Variants in C8orf34 observed in about 807,000 individuals in gnomAD.
C8orf34 encodes chromosome 8 open reading frame 34.
C8orf34 carries 65 observed loss-of-function variants against 68.3 expected under a neutral mutation model. The ratio of observed to expected loss-of-function variants is 0.95; its 90% confidence interval spans 0.78 to 1.17. The LOEUF is 1.17. Ranked by LOEUF, C8orf34 falls within the 50% of genes most tolerant of loss-of-function variation. The pLI is 0.00. For synonymous variants in C8orf34, 244 were observed against 241.2 expected, an observed-to-expected ratio of 1.01 and a Z score of -0.11; for missense variants, 664 against 655.4, an observed-to-expected ratio of 1.01 and a Z score of -0.14.
intron 8 of C8orf34, among the ~76,000 whole-genome samples, chr8:68,642,952 T>A (rs11988090): frequency 3.0e-4 from 45 of 152,194 alleles, no homozygotes; most frequent in African/African-American, 1.0e-3. Flanking sequence ...CCTGTGAGAA[T>A]CTATGGCTGA....
chr8:68,749,826 C>G (rs1011393827), intron 10 of C8orf34, among the ~76,000 whole-genome samples: 2 of 152,130 alleles, frequency 1.3e-5, no homozygotes, highest in Non-Finnish European at 2.9e-5. Flanking sequence ...TTGATGAATA[C>G]TAGTACTCCC....
Position 68,666,466 on chromosome 8 carries a change from G to A in C8orf34, c.1241+25955G>A, listed in dbSNP as rs1053953100. On this transcript the variant is annotated intron_variant, in intron 8 of 13. Transcript: ENST00000518698. ...AAAGGATTTTCAGAGTTATTAAAAA[G>A]GCAGAAATTCTTCCAACCAAGTAAC... Among the ~76,000 whole-genome samples the A allele has an allele frequency of 1.9e-4, 29 of 152,298 alleles. 1 individual carries two copies. Among genetic ancestry groups the A allele is most frequent in the Middle Eastern group, 3.4e-3 (1 of 294 alleles).
intron 7 of C8orf34, among the ~76,000 whole-genome samples, chr8:68,577,362 TATC>T (rs1195870057): frequency 6.6e-6 from 1 of 152,040 alleles, no homozygotes; most frequent in East Asian, 1.9e-4. Context: ...AGAGAGGAAT[TATC>T]ATATAGGTGC....
At chr8:68,439,478 T>C in intron 1 of C8orf34, 21 bp from the exon 2 acceptor site, 1 of 1,606,332 alleles carries the variant, frequency 6.2e-7, no homozygotes, top group Non-Finnish European at 8.5e-7. Flanking sequence ...ATTATAATTG[T>C]GTGCTCTATT....
At chr8:68,600,242 T>G (rs1270987775) in intron 7 of C8orf34, among the ~76,000 whole-genome samples, 1 of 152,142 alleles carries the variant, frequency 6.6e-6, no homozygotes, top group African/African-American at 2.4e-5. Flanking sequence ...GTAGAAATTG[T>G]ACTCTCATTC....
chr8:68,673,358 G>T (rs1820078597), intron 8 of C8orf34, among the ~76,000 whole-genome samples: 1 of 152,170 alleles, frequency 6.6e-6, no homozygotes, highest in South Asian at 2.1e-4. Context: ...CCAGGCGTGT[G>T]CTCTTGGATG....
intron 2 of C8orf34, among the ~76,000 whole-genome samples, chr8:68,443,271 G>T (rs1055335829): frequency 1.3e-5 from 2 of 152,170 alleles, no homozygotes; most frequent in African/African-American, 4.8e-5. Flanking sequence ...TGGCAGGAAG[G>T]AAGAGAAAAG....
At chr8:68,744,490 A>C (rs1822414770) in intron 10 of C8orf34, among the ~76,000 whole-genome samples, 1 of 151,690 alleles carries the variant, frequency 6.6e-6, no homozygotes, top group Admixed American at 6.6e-5. Flanking sequence ...CTTTGAAAAA[A>C]ATTTAGAAGA....
At chr8:68,447,147 G>A (rs1811159274) in intron 3 of C8orf34, 1 of 152,674 alleles carries the variant, frequency 6.5e-6, no homozygotes, top group African/African-American at 2.4e-5. Context: ...TATGGCGAGA[G>A]GAAGGAGAAA....
chr8:68,551,044 C>A (rs1049924314), intron 7 of C8orf34, among the ~76,000 whole-genome samples: 1 of 151,710 alleles, frequency 6.6e-6, no homozygotes, highest in African/African-American at 2.4e-5. Flanking sequence ...TCTGTGGCTT[C>A]GTGTCTGACA....
At chr8:68,382,612 T>G (rs1808089937) in intron 1 of C8orf34, among the ~76,000 whole-genome samples, 1 of 152,196 alleles carries the variant, frequency 6.6e-6, no homozygotes, top group Non-Finnish European at 1.5e-5. Context: ...CACAGTAAGA[T>G]GCTGCCATCC....
chr8:68,680,781 G>T (rs1266426852), intron 8 of C8orf34, among the ~76,000 whole-genome samples: 3 of 152,024 alleles, frequency 2.0e-5, no homozygotes, highest in Non-Finnish European at 4.4e-5. Context: ...CAGAAAACAG[G>T]GTTCGAGAGC....
At chr8:68,639,631 G>A (rs577299007) in intron 7 of C8orf34, among the ~76,000 whole-genome samples, 21 of 152,240 alleles carry the variant, frequency 1.4e-4, no homozygotes, top group African/African-American at 5.1e-4. Flanking sequence ...CTGAGAGCAA[G>A]TAATTGGAAT....
chr8:68,749,250 G>A (rs924358003), intron 10 of C8orf34, among the ~76,000 whole-genome samples: 2 of 151,942 alleles, frequency 1.3e-5, no homozygotes, highest in African/African-American at 4.8e-5. Flanking sequence ...GGTGGGGGGA[G>A]CGGGGAGGGA....
At chr8:68,468,916 A>C in intron 4 of C8orf34, 96 bp downstream of exon 4, 43 of 1,324,752 alleles carry the variant, frequency 3.2e-5, no homozygotes, top group Non-Finnish European at 4.1e-5. Flanking sequence ...TAACATCCTC[A>C]TTCTAATTCT....
intron 8 of C8orf34, among the ~76,000 whole-genome samples, chr8:68,674,341 GAT>G (rs910736104): frequency 1.3e-5 from 2 of 152,112 alleles, no homozygotes; most frequent in African/African-American, 4.8e-5. Context: ...GAGAGAGAGA[GAT>G]ATGATCTTTC....
intron 10 of C8orf34, among the ~76,000 whole-genome samples, chr8:68,751,528 A>G (rs557630609): frequency 6.6e-6 from 1 of 152,308 alleles, no homozygotes; most frequent in South Asian, 2.1e-4. Flanking sequence ...GGTTGCGTGA[A>G]GTGGTTTTTT....
At chr8:68,420,208 G>A (rs1014925259) in intron 1 of C8orf34, among the ~76,000 whole-genome samples, 1 of 150,286 alleles carries the variant, frequency 6.7e-6, no homozygotes, top group African/African-American at 2.5e-5. Flanking sequence ...CAGGGAGAAG[G>A]GCAACAGTTG....
intron 12 of C8orf34, among the ~76,000 whole-genome samples, chr8:68,796,602 C>G (rs1237269816): frequency 6.6e-6 from 1 of 152,070 alleles, no homozygotes; most frequent in Non-Finnish European, 1.5e-5. Context: ...AACAGCTTTT[C>G]AAGAGGAGCA....
Sources: gnomAD v4.1 joint callset for allele counts (sites outside exome capture counted in the v4.1 genomes callset) on GRCh38, gnomAD v4.1.1 for gene constraint, MANE v1.5 for transcripts, NCBI Gene and HGNC (gene_info 2026-07-23, HGNC 2026-07-21) for gene names.